ANKMY1: variants seen among roughly 807,000 people sequenced by gnomAD.
The protein encoded by ANKMY1 is ankyrin repeat and MYND domain containing 1.
In ANKMY1, 98 loss-of-function variants were observed where a neutral mutation model predicts 102.0. The ratio of observed to expected loss-of-function variants is 0.96; its 90% CI spans 0.82 to 1.14. The LOEUF is 1.14. ANKMY1 is among the 50% of genes most tolerant of loss of function. The probability of loss-of-function intolerance (pLI) is 0.00; values close to 1 mark genes in which losing one functional copy is unlikely to be tolerated. For missense variants in ANKMY1, 1,330 were observed against 1,347.6 expected (o/e 0.99, Z 0.20); for synonymous variants, 582 against 559.9 (o/e 1.04, Z -0.56).
At chr2:240,501,980 A>C (rs1173440552) in intron 13 of ANKMY1, among the ~76,000 whole-genome samples, 1 of 152,228 alleles carries the variant, frequency 6.6e-6, no homozygotes, top group Non-Finnish European at 1.5e-5. Context: ...AAGTCCCATG[A>C]GTCGGTTCCC....
the ANKMY1 span, among the ~76,000 whole-genome samples, chr2:240,468,702 A>C: frequency 6.6e-6 from 1 of 152,234 alleles, no homozygotes; most frequent in South Asian, 2.1e-4. Flanking sequence ...CATTTTTAAC[A>C]TTGCGTTTCC....
intron 13 of ANKMY1, 64 bp downstream of exon 13, chr2:240,507,496 C>T: frequency 1.3e-6 from 2 of 1,528,928 alleles, no homozygotes; most frequent in South Asian, 1.3e-5. Context: ...ACACCCCTCA[C>T]TCAGGGCCAC....
At chr2:240,469,687 AAC>A in the ANKMY1 span, among the ~76,000 whole-genome samples, 1 of 123,736 alleles carries the variant, frequency 8.1e-6, no homozygotes, top group Non-Finnish European at 1.8e-5. Context: ...CACACAAACG[AAC>A]ACATACAACA....
At chr2:240,551,207 T>A (rs568135768) in intron 4 of ANKMY1, among the ~76,000 whole-genome samples, 73 of 152,116 alleles carry the variant, frequency 4.8e-4, no homozygotes, top group African/African-American at 1.8e-3. Context: ...AGAGTCAGGA[T>A]AATTTTTTTC....
intron 4 of ANKMY1, among the ~76,000 whole-genome samples, chr2:240,552,378 T>C (rs2091668434): frequency 6.6e-6 from 1 of 152,202 alleles, no homozygotes; most frequent in Admixed American, 6.5e-5. Flanking sequence ...TAGGCCAAAA[T>C]AGATCAGCCA....
At chr2:240,521,123 G>C (rs2082160179) in intron 8 of ANKMY1, among the ~76,000 whole-genome samples, 1 of 152,186 alleles carries the variant, frequency 6.6e-6, no homozygotes, top group African/African-American at 2.4e-5. Flanking sequence ...AGCCGCGCAG[G>C]GCTGAGGGAG....
chr2:240,551,755 A>C (rs1027297595), intron 4 of ANKMY1, among the ~76,000 whole-genome samples: 2 of 152,184 alleles, frequency 1.3e-5, no homozygotes, highest in African/African-American at 4.8e-5. Flanking sequence ...CCACAACCTG[A>C]TTCCCCATGG....
chr2:240,535,628 T>C (rs754642298), intron 4 of ANKMY1, among the ~76,000 whole-genome samples: 32 of 152,240 alleles, frequency 2.1e-4, no homozygotes, highest in Non-Finnish European at 4.0e-4. Flanking sequence ...TGTCACATAA[T>C]GTTATACCAG....
downstream of ANKMY1, among the ~76,000 whole-genome samples, chr2:240,475,092 T>G (rs991929603): frequency 6.6e-6 from 1 of 152,216 alleles, no homozygotes; most frequent in African/African-American, 2.4e-5. Context: ...ATCTATTAAT[T>G]TTACTTTTAA....
At chr2:240,525,349 G>A (rs4384788) in intron 7 of ANKMY1, among the ~76,000 whole-genome samples, 101 of 152,240 alleles carry the variant, frequency 6.6e-4, no homozygotes, top group Non-Finnish European at 1.3e-3. Context: ...GCCAGGAAAC[G>A]GTTAGGCATG....
intron 15 of ANKMY1, among the ~76,000 whole-genome samples, chr2:240,484,770 C>A (rs1441669488): frequency 6.6e-6 from 1 of 152,104 alleles, no homozygotes; most frequent in African/African-American, 2.4e-5. Context: ...AGGCAACCTA[C>A]AGAATGGGAG....
At chr2:240,553,149 G>T in intron 3 of ANKMY1, 92 bp from the exon 4 acceptor site, 2 of 1,445,604 alleles carry the variant, frequency 1.4e-6, no homozygotes, top group East Asian at 2.4e-5. Context: ...GGTTGGCAAT[G>T]AATGGGGACC....
chr2:240,528,123 C>T (rs1032888984), intron 5 of ANKMY1, among the ~76,000 whole-genome samples: 5 of 152,054 alleles, frequency 3.3e-5, no homozygotes, highest in Non-Finnish European at 7.4e-5. Context: ...CCCGTCTCTA[C>T]TAAAAATACA....
intron 9 of ANKMY1, among the ~76,000 whole-genome samples, chr2:240,513,668 A>T (rs1420653215): frequency 6.6e-6 from 1 of 152,256 alleles, no homozygotes; most frequent in African/African-American, 2.4e-5. Context: ...GTGCCCATGC[A>T]TGCCCATCCA....
Position 240,555,072 on chromosome 2 carries a change from A to C in ANKMY1, c.147-17T>G, listed in dbSNP as rs746386216. The C allele has an allele frequency of 4.0e-5, 65 of 1,612,642 alleles. No individual in the cohort carries two copies. The highest frequency in any genetic ancestry group is 5.5e-5 in the Non-Finnish European group (65 of 1,179,166). On this transcript the variant is annotated splice_polypyrimidine_tract_variant and intron_variant, in intron 2 of 17. Coordinates refer to ENST00000401804, the MANE Select transcript of ANKMY1 (RefSeq NM_001282771.3). ...GAAACATCCCTAAAAGGACAGGAGCAGAAGGAGGGAAGAGTGAAGTGGCTG... is the reference window on the plus strand; with the variant it reads ...GAAACATCCCTAAAAGGACAGGAGCCGAAGGAGGGAAGAGTGAAGTGGCTG...
At chr2:240,492,377 C>G (rs979818143) in intron 15 of ANKMY1, among the ~76,000 whole-genome samples, 2 of 152,242 alleles carry the variant, frequency 1.3e-5, no homozygotes, top group South Asian at 2.1e-4. Context: ...TTTATGTTGT[C>G]GTAAATATCA....
chr2:240,510,021 G>A (rs10186521), intron 11 of ANKMY1, among the ~76,000 whole-genome samples: 49,707 of 126,716 alleles, frequency 0.39, 9,419 homozygotes, highest in East Asian at 0.74. Context: ...CTCCTCCCCC[G>A]TCCCTGTCCT....
rs527479643 is a variant in ANKMY1, at chr2:240,544,860, G to A, written c.480+8054C>T. 1.8e-4 allele frequency among the ~76,000 whole-genome samples: 28 copies of A among 152,364 alleles called. No homozygotes were observed. In the South Asian group the frequency reaches 4.8e-3, roughly 26 times the overall value. ...CCGCACCTGGCTCGGAGGGTCCTAC[G>A]CCCACGGAGTCTCGCTGATTGCTAG... is the stretch of plus-strand genomic sequence containing the variant. On this transcript the variant is annotated intron_variant, in intron 4 of 17. Transcript: ENST00000401804.
intron 7 of ANKMY1, 141 bp from the exon 8 acceptor site, chr2:240,524,522 C>T: frequency 1.1e-6 from 1 of 942,192 alleles, no homozygotes; most frequent in African/African-American, 1.7e-5. Context: ...GGCAGCTTTC[C>T]CCAAACCCTC....
Sources: allele counts gnomAD v4.1 joint callset (sites outside exome capture counted in the v4.1 genomes callset), GRCh38; gene constraint gnomAD v4.1.1; transcripts MANE v1.5; gene names NCBI Gene and HGNC (gene_info 2026-07-23, HGNC 2026-07-21).